Variants in CNTNAP2 observed in about 807,000 individuals in gnomAD.
CNTNAP2 encodes contactin-associated protein-like 2.
Under a neutral mutation model 155.2 loss-of-function variants are expected in CNTNAP2, and 98 were observed. That is an observed-to-expected ratio of 0.63 (90% CI 0.54 to 0.75). CNTNAP2 has a LOEUF of 0.75. Ranked by LOEUF, CNTNAP2 falls within the 30% of genes least tolerant of loss-of-function variation. The probability of loss-of-function intolerance (pLI) is 0.00; values close to 1 mark genes in which losing one functional copy is unlikely to be tolerated. For missense variants in CNTNAP2, 1,727 were observed against 1,688.1 expected (o/e 1.02, Z -0.40); for synonymous variants, 651 against 631.2 (o/e 1.03, Z -0.47).
intron 1 of CNTNAP2, among the ~76,000 whole-genome samples, chr7:146,406,341 A>T (rs542099980): frequency 6.6e-6 from 1 of 152,318 alleles, no homozygotes; most frequent in African/African-American, 2.4e-5. Context: ...TAGGTTTTAA[A>T]AACATACATG....
At chr7:147,068,761 C>T (rs954825953) in intron 4 of CNTNAP2, among the ~76,000 whole-genome samples, 10 of 152,344 alleles carry the variant, frequency 6.6e-5, no homozygotes, top group African/African-American at 2.4e-4. Flanking sequence ...TTCCTGACAG[C>T]CTGTCCTATG....
At chr7:146,390,376 C>T (rs1291069759) in intron 1 of CNTNAP2, among the ~76,000 whole-genome samples, 1 of 151,922 alleles carries the variant, frequency 6.6e-6, no homozygotes, top group Non-Finnish European at 1.5e-5. Flanking sequence ...AACATATGGA[C>T]ATGATGGACT....
intron 17 of CNTNAP2, among the ~76,000 whole-genome samples, chr7:148,171,153 A>G (rs1029829460): frequency 6.6e-5 from 10 of 152,184 alleles, no homozygotes; most frequent in African/African-American, 2.4e-4. Flanking sequence ...GAATAATGCA[A>G]ATAATATCTA....
intron 1 of CNTNAP2, among the ~76,000 whole-genome samples, chr7:146,145,973 G>T (rs1393480652): frequency 6.6e-6 from 1 of 152,036 alleles, no homozygotes; most frequent in Non-Finnish European, 1.5e-5. Flanking sequence ...TTATTAAATA[G>T]TTGCCAAACA....
chr7:148,293,078 T>A (rs112053005), intron 21 of CNTNAP2, among the ~76,000 whole-genome samples: 59,394 of 134,152 alleles, frequency 0.44, 12,263 homozygotes, highest in East Asian at 0.64. Context: ...AAAAAATAAA[T>A]AAAATAAAAT....
intron 13 of CNTNAP2, among the ~76,000 whole-genome samples, chr7:147,793,501 A>G (rs1244468844): frequency 1.3e-5 from 2 of 152,052 alleles, no homozygotes; most frequent in Non-Finnish European, 2.9e-5. Flanking sequence ...CATAACTCTG[A>G]GAGTATATTT....
chr7:147,116,361 GT>G (rs1277055570), intron 5 of CNTNAP2, among the ~76,000 whole-genome samples: 1 of 152,226 alleles, frequency 6.6e-6, no homozygotes, highest in African/African-American at 2.4e-5. Context: ...ACTGTGCTGT[GT>G]TGGAGATTTC....
chr7:147,531,431 C>T (rs1799429137), intron 11 of CNTNAP2, among the ~76,000 whole-genome samples: 3 of 152,232 alleles, frequency 2.0e-5, no homozygotes, highest in African/African-American at 7.2e-5. Flanking sequence ...CAGAGGTTCC[C>T]AAACCTCAAT....
intron 3 of CNTNAP2, among the ~76,000 whole-genome samples, chr7:147,019,327 A>G (rs1475316189): frequency 6.6e-6 from 1 of 152,036 alleles, no homozygotes; most frequent in Non-Finnish European, 1.5e-5. Context: ...AACACTCAAT[A>G]AATGCATGAT....
intron 1 of CNTNAP2, among the ~76,000 whole-genome samples, chr7:146,503,627 G>A (rs1797338683): frequency 1.3e-5 from 2 of 152,154 alleles, no homozygotes; most frequent in South Asian, 2.1e-4. Flanking sequence ...GTGAGAGAAT[G>A]GGTCTAGTTT....
chr7:146,969,119 T>C (rs1320957977), intron 3 of CNTNAP2, among the ~76,000 whole-genome samples: 1 of 150,816 alleles, frequency 6.6e-6, no homozygotes, highest in Non-Finnish European at 1.5e-5. Context: ...AGTTGAGCGG[T>C]TTTGAGTGAG....
At chr7:146,135,470 G>C (rs960549724) in intron 1 of CNTNAP2, among the ~76,000 whole-genome samples, 1 of 151,966 alleles carries the variant, frequency 6.6e-6, no homozygotes, top group African/African-American at 2.4e-5. Context: ...AGTCTCCTAG[G>C]CTTCTGAGTC....
intron 1 of CNTNAP2, among the ~76,000 whole-genome samples, chr7:146,398,101 G>A (rs1023259471): frequency 2.0e-5 from 3 of 151,208 alleles, no homozygotes; most frequent in Non-Finnish European, 4.4e-5. Flanking sequence ...TGAACTCCTG[G>A]GCTCAAGTGA....
At chr7:146,328,515 C>CTGTGTGTGTGTGTGTGTG (rs36098013) in intron 1 of CNTNAP2, among the ~76,000 whole-genome samples, 1 of 147,110 alleles carries the variant, frequency 6.8e-6, no homozygotes, top group African/African-American at 2.5e-5. Flanking sequence ...ACTTAGCGAC[C>CTGTGTGTGTGTGTGTGTG]TGTGTGTGTG....
At chr7:147,874,511 G>A (rs1194534109) in intron 13 of CNTNAP2, among the ~76,000 whole-genome samples, 1 of 152,278 alleles carries the variant, frequency 6.6e-6, no homozygotes, top group East Asian at 1.9e-4. Context: ...CTTGGACACA[G>A]AGCACCAAGT....
At chr7:147,447,013 T>C (rs1797750493) in intron 10 of CNTNAP2, among the ~76,000 whole-genome samples, 1 of 152,204 alleles carries the variant, frequency 6.6e-6, no homozygotes, top group South Asian at 2.1e-4. Flanking sequence ...TCCAAGTGCA[T>C]TAGAATGCCA....
At chr7:146,171,858 TA>T (rs1450477871) in intron 1 of CNTNAP2, among the ~76,000 whole-genome samples, 1 of 152,076 alleles carries the variant, frequency 6.6e-6, no homozygotes, top group Non-Finnish European at 1.5e-5. Context: ...TTAAATTAAT[TA>T]AAATTATATT....
At chr7:146,164,784 G>T (rs567347066) in intron 1 of CNTNAP2, among the ~76,000 whole-genome samples, 1 of 150,890 alleles carries the variant, frequency 6.6e-6, no homozygotes, top group Admixed American at 6.6e-5. Flanking sequence ...CATTTTAAAC[G>T]CATCTTCCGT....
At chr7:146,476,353 T>C (rs555440255) in intron 1 of CNTNAP2, among the ~76,000 whole-genome samples, 3 of 152,332 alleles carry the variant, frequency 2.0e-5, no homozygotes, top group Non-Finnish European at 2.9e-5. Flanking sequence ...AGGAAAATTA[T>C]ACACTTGTTT....
Sources: gnomAD v4.1 joint callset for allele counts (sites outside exome capture counted in the v4.1 genomes callset) on GRCh38, gnomAD v4.1.1 for gene constraint, MANE v1.5 for transcripts, NCBI Gene and HGNC (gene_info 2026-07-23, HGNC 2026-07-21) for gene names.